The following NR6A1 variants were observed in gnomAD, a reference collection of about 807,000 sequenced individuals.
The protein encoded by NR6A1 is nuclear receptor subfamily 6 group A member 1, also known as retinoic acid receptor-related testis-associated receptor.
A neutral mutation model predicts 59.1 loss-of-function variants in NR6A1; 7 were observed. The ratio of observed to expected loss-of-function variants is 0.12; its 90% CI spans 0.07 to 0.22. The LOEUF (loss-of-function observed/expected upper bound fraction) is 0.22. NR6A1 is among the 10% of genes least tolerant of loss of function. The pLI is 1.00. For missense variants in NR6A1, 468 were observed against 611.6 expected (o/e 0.77, Z 2.48); for synonymous variants, 243 against 236.1 (o/e 1.03, Z -0.27).
At chr9:124,605,474 G>A (rs1315381749) in intron 2 of NR6A1, among the ~76,000 whole-genome samples, 1 of 152,060 alleles carries the variant, frequency 6.6e-6, no homozygotes, top group Non-Finnish European at 1.5e-5. Flanking sequence ...CTGCATTCCA[G>A]CCACTCCAGC....
chr9:124,767,217 T>G (rs762080758), intron 1 of NR6A1, among the ~76,000 whole-genome samples: 1 of 152,248 alleles, frequency 6.6e-6, no homozygotes, highest in Non-Finnish European at 1.5e-5. Context: ...TTTGGAAATT[T>G]ACCAGCAGTT....
At chr9:124,687,063 C>G (rs935998831) in intron 2 of NR6A1, among the ~76,000 whole-genome samples, 3 of 151,722 alleles carry the variant, frequency 2.0e-5, no homozygotes, top group Non-Finnish European at 4.4e-5. Context: ...ACTGCCCTAG[C>G]ACTAGGCCAA....
At chr9:124,761,106 C>T (rs1840774627) in intron 1 of NR6A1, among the ~76,000 whole-genome samples, 1 of 152,168 alleles carries the variant, frequency 6.6e-6, no homozygotes, top group African/African-American at 2.4e-5. Flanking sequence ...TATTAGGTTT[C>T]GTAATTAAAG....
At position 124,547,833 on chromosome 9, in the gene NR6A1, C is replaced by A. The variant is rs532319381; in HGVS notation, c.386-3976G>T. 8.5e-5 allele frequency among the ~76,000 whole-genome samples: 13 copies of A among 152,172 alleles called. No homozygotes were observed. The East Asian group carries it at 2.5e-3, about 29-fold the overall frequency. On this transcript the variant is annotated intron_variant, in intron 3 of 9. Transcript: ENST00000487099. ...ACGAACTATTTCAGATTAAAAGAGA[C>A]TGAAAAGACATAAAAACTAAATGTA...
intron 2 of NR6A1, among the ~76,000 whole-genome samples, chr9:124,574,186 G>A (rs765798652): frequency 3.3e-5 from 5 of 152,152 alleles, no homozygotes; most frequent in Non-Finnish European, 5.9e-5. Flanking sequence ...TAGCAAAGTA[G>A]GTGCTCAGAA....
intron 2 of NR6A1, among the ~76,000 whole-genome samples, chr9:124,723,621 C>A (rs554889944): frequency 6.6e-6 from 1 of 152,200 alleles, no homozygotes; most frequent in Non-Finnish European, 1.5e-5. Flanking sequence ...ACAGTTTCAA[C>A]AGCCCATTAG....
intron 2 of NR6A1, among the ~76,000 whole-genome samples, chr9:124,641,951 G>A (rs903411381): frequency 2.0e-5 from 3 of 152,154 alleles, no homozygotes; most frequent in Non-Finnish European, 2.9e-5. Context: ...CCTGAGTTAC[G>A]TTTAGGTTGC....
chr9:124,683,986 T>C (rs1414898459), intron 2 of NR6A1, among the ~76,000 whole-genome samples: 1 of 152,222 alleles, frequency 6.6e-6, no homozygotes, highest in South Asian at 2.1e-4. Context: ...GTGTGGATAC[T>C]AGCAAAGTGG....
At chr9:124,677,447 C>T (rs1261726981) in intron 2 of NR6A1, among the ~76,000 whole-genome samples, 1 of 151,656 alleles carries the variant, frequency 6.6e-6, no homozygotes, top group Non-Finnish European at 1.5e-5. Flanking sequence ...TTTGTAGAGA[C>T]GGGGTTTCAT....
In NR6A1 at chr9:124,599,093, T is replaced by C. The variant is rs546757294; in HGVS notation, c.143-44523A>G. 57 of 709,184 alleles carry C rather than the reference T, an allele frequency of 8.0e-5. No homozygotes were observed. The East Asian group carries it at 1.5e-3, about 19-fold the overall frequency. 43.9% of individuals were successfully genotyped at this position (709,184 alleles called of 1,614,324 possible). A position where few individuals can be genotyped will look rare whatever the true frequency, so the allele number is the denominator to read the frequency against. On this transcript the variant is annotated intron_variant, in intron 2 of 9. Transcript: ENST00000487099. ...CTTGACGTCACCAGTGCCTCGCTCG[T>C]TCCATTCTAGGAGACGGTTCTCTGC...
intron 2 of NR6A1, among the ~76,000 whole-genome samples, chr9:124,600,150 T>C (rs1588700150): frequency 6.6e-6 from 1 of 152,214 alleles, no homozygotes; most frequent in South Asian, 2.1e-4. Context: ...ATCAGGAGCA[T>C]GCAGAAAATG....
At chr9:124,538,394 T>C in intron 5 of NR6A1, 75 bp from the exon 6 acceptor site, 1 of 1,112,276 alleles carries the variant, frequency 9.0e-7, no homozygotes, top group Non-Finnish European at 1.3e-6. Context: ...AGCCAGAAGG[T>C]GACTTTAGGT....
At chr9:124,713,981 G>A (rs1212309962) in intron 2 of NR6A1, among the ~76,000 whole-genome samples, 1 of 152,160 alleles carries the variant, frequency 6.6e-6, no homozygotes, top group African/African-American at 2.4e-5. Context: ...ACCAAATGGT[G>A]AAAGCAACCC....
intron 1 of NR6A1, among the ~76,000 whole-genome samples, chr9:124,769,091 G>T (rs1345231084): frequency 6.6e-6 from 1 of 152,112 alleles, no homozygotes; most frequent in East Asian, 1.9e-4. Flanking sequence ...GAAATCCTTT[G>T]TTCCTATTAT....
At chr9:124,726,706 C>T (rs1839730931) in intron 2 of NR6A1, among the ~76,000 whole-genome samples, 1 of 152,218 alleles carries the variant, frequency 6.6e-6, no homozygotes, top group Admixed American at 6.5e-5. Flanking sequence ...TTCTTCACTT[C>T]TTCCCAATAT....
intron 1 of NR6A1, among the ~76,000 whole-genome samples, chr9:124,752,697 AC>A (rs1430008101): frequency 6.6e-6 from 1 of 152,188 alleles, no homozygotes; most frequent in African/African-American, 2.4e-5. Context: ...ACAAGTACCT[AC>A]AAAATTACTA....
intron 2 of NR6A1, among the ~76,000 whole-genome samples, chr9:124,684,977 T>G (rs1006190488): frequency 1.3e-5 from 2 of 150,748 alleles, no homozygotes; most frequent in Non-Finnish European, 3.0e-5. Flanking sequence ...AGATGGCCAA[T>G]AGGAAACTTC....
At position 124,518,197 on chromosome 9, in the gene NR6A1, A is replaced by C. The variant is rs1055764532; in HGVS notation, c.*4508T>G. On this transcript the variant is annotated 3_prime_UTR_variant, in exon 10 of 10. Transcript: ENST00000487099. ...CAGGCTGTGGTCCATTTAGGGCTTC[A>C]GGCCCAGAAGACGGATGCTAGATGG... 1 of 146,996 alleles carries C rather than the reference A, an allele frequency of 6.8e-6. No homozygotes were observed. The highest frequency in any genetic ancestry group is 1.5e-5 in the Non-Finnish European group (1 of 67,098). 9.1% of individuals were successfully genotyped at this position (146,996 alleles called of 1,614,324 possible). A position where few individuals can be genotyped will look rare whatever the true frequency, so the allele number is the denominator to read the frequency against.
intron 2 of NR6A1, among the ~76,000 whole-genome samples, chr9:124,603,445 T>G (rs1835499154): frequency 6.6e-6 from 1 of 152,156 alleles, no homozygotes; most frequent in African/African-American, 2.4e-5. Flanking sequence ...CTCCCATGTT[T>G]CAGGCCCTGT....
Sources: allele counts gnomAD v4.1 joint callset (sites outside exome capture counted in the v4.1 genomes callset), GRCh38; gene constraint gnomAD v4.1.1; transcripts MANE v1.5; gene names NCBI Gene and HGNC (gene_info 2026-07-23, HGNC 2026-07-21).